The following MAP3K20 variants were observed in gnomAD, a reference collection of about 807,000 sequenced individuals.
MAP3K20 encodes the protein HCCS-4.
MAP3K20 carries 40 observed loss-of-function variants against 85.7 expected under a neutral mutation model. That is an observed-to-expected ratio of 0.47 (90% CI 0.36 to 0.61). MAP3K20 has a LOEUF of 0.61. MAP3K20 is among the 20% of genes least tolerant of loss of function. The pLI is 0.00. For synonymous variants in MAP3K20, 325 were observed against 327.7 expected, an observed-to-expected ratio of 0.99 and a Z score of 0.09; for missense variants, 817 against 961.7, an observed-to-expected ratio of 0.85 and a Z score of 1.99.
At chr2:173,145,341 T>C (rs888013750) in intron 2 of MAP3K20, among the ~76,000 whole-genome samples, 32 of 152,310 alleles carry the variant, frequency 2.1e-4, no homozygotes, top group African/African-American at 7.5e-4. Flanking sequence ...AGATGCAATC[T>C]ACTGACTGGG....
At chr2:173,185,587 T>C (rs1269581906) in intron 4 of MAP3K20, among the ~76,000 whole-genome samples, 1 of 152,226 alleles carries the variant, frequency 6.6e-6, no homozygotes, top group African/African-American at 2.4e-5. Context: ...GTTTAACCTA[T>C]GATTGAATCC....
At chr2:173,085,784 A>AAT (rs1687127064) in intron 1 of MAP3K20, among the ~76,000 whole-genome samples, 3 of 73,738 alleles carry the variant, frequency 4.1e-5, no homozygotes, top group Admixed American at 4.2e-4. Flanking sequence ...TGTAAAAGCA[A>AAT]TTTTTTTTTT....
At chr2:173,109,531 C>T (rs913943486) in intron 2 of MAP3K20, among the ~76,000 whole-genome samples, 3 of 151,838 alleles carry the variant, frequency 2.0e-5, no homozygotes, top group African/African-American at 7.3e-5. Flanking sequence ...GAATGTCTAC[C>T]CACAGATATT....
At position 173,228,526 on chromosome 2, in the gene MAP3K20, C is replaced by T. The variant is rs568721835; in HGVS notation, c.988-1163C>T. On this transcript the variant is annotated intron_variant, in intron 11 of 19. Transcript: ENST00000375213. ...AGAACTTAGCATTCCAGTAAATGCA[C>T]CCTTTAATTTTATTCATTCTTTAAA... is the stretch of plus-strand genomic sequence containing the variant. Among the ~76,000 whole-genome samples the T allele has an allele frequency of 1.2e-3, 186 of 152,230 alleles. 2 individuals carry two copies. Among genetic ancestry groups the T allele is most frequent in the African/African-American group, 4.3e-3 (177 of 41,536 alleles).
intron 10 of MAP3K20, 21 bp downstream of exon 10, chr2:173,209,856 G>A: frequency 6.2e-7 from 1 of 1,600,072 alleles, no homozygotes; most frequent in Non-Finnish European, 8.6e-7. Flanking sequence ...CCGACAGCAG[G>A]CCACAGCGTC....
intron 1 of MAP3K20, chr2:173,090,693 C>T (rs1687268713): frequency 9.8e-7 from 1 of 1,015,430 alleles, no homozygotes; most frequent in Non-Finnish European, 1.2e-6. Context: ...ACACAGTAGC[C>T]TTTCGGCAGA....
At chr2:173,176,351 T>C (rs1244036262) in intron 3 of MAP3K20, among the ~76,000 whole-genome samples, 6 of 152,284 alleles carry the variant, frequency 3.9e-5, no homozygotes, top group African/African-American at 1.4e-4. Flanking sequence ...AATACGTTTT[T>C]GTTCACTTTT....
chr2:173,138,036 C>T (rs1446939743), intron 2 of MAP3K20, among the ~76,000 whole-genome samples: 15 of 152,092 alleles, frequency 9.9e-5, no homozygotes, highest in Non-Finnish European at 1.0e-4. Context: ...GGCGTGATCT[C>T]GGCTCACTGC....
At chr2:173,172,240 T>C (rs1053624536) in intron 3 of MAP3K20, among the ~76,000 whole-genome samples, 1 of 152,060 alleles carries the variant, frequency 6.6e-6, no homozygotes, top group Non-Finnish European at 1.5e-5. Flanking sequence ...CCCAGCCAGA[T>C]ACCCCTCTGT....
rs369430017 is a variant in MAP3K20, at chr2:173,213,262, C to CG, written c.851+3434dup. Among the ~76,000 whole-genome samples the CG allele has an allele frequency of 1.0e-3, 152 of 151,906 alleles. No individual in the cohort carries two copies. In the East Asian group the frequency reaches 0.016, roughly 16 times the overall value. On this transcript the variant is annotated intron_variant, in intron 10 of 19. Coordinates refer to ENST00000375213, the MANE Select transcript of MAP3K20 (RefSeq NM_016653.3). ...GGGAAATAAAATTGATGATTGAGAA[C>CG]GGGGGGGAAAAGGAGATACAAGACA...
chr2:173,168,940 T>G (rs1689919887), intron 2 of MAP3K20, among the ~76,000 whole-genome samples: 1 of 152,220 alleles, frequency 6.6e-6, no homozygotes, highest in Admixed American at 6.5e-5. Context: ...AGTACCACTT[T>G]CTAATATTTA....
chr2:173,239,226 GC>G (rs1684723438), intron 15 of MAP3K20, among the ~76,000 whole-genome samples, 177 bp from the exon 16 acceptor site: 1 of 151,740 alleles, frequency 6.6e-6, no homozygotes, highest in Non-Finnish European at 1.5e-5. Context: ...GTCCTGAAAG[GC>G]ATAATATGTC....
At chr2:173,170,629 G>A (rs1386261603) in intron 3 of MAP3K20, among the ~76,000 whole-genome samples, 1 of 152,028 alleles carries the variant, frequency 6.6e-6, no homozygotes, top group African/African-American at 2.4e-5. Context: ...TTAGCCACAT[G>A]TTCTCGGTAG....
chr2:173,149,028 G>T (rs1689219268), intron 2 of MAP3K20, among the ~76,000 whole-genome samples: 1 of 152,186 alleles, frequency 6.6e-6, no homozygotes, highest in African/African-American at 2.4e-5. Context: ...AAGGAATTTT[G>T]AACCCCAGAC....
Position 173,187,605 on chromosome 2 carries a change from G to A in MAP3K20, c.397G>A (p.Asp133Asn). 1.2e-6 allele frequency: 2 copies of A among 1,608,770 alleles called. No homozygotes were observed. The highest frequency in any genetic ancestry group is 1.7e-6 in the Non-Finnish European group (2 of 1,178,234). The change falls in exon 5 of 20, where the codon GAC (aspartate) becomes AAC (asparagine). Residue 133 changes from aspartate (D) to asparagine (N), a missense_variant. This residue lies in a region of MAP3K20 where 200 missense variants were observed against 302.7 expected (regional missense o/e 0.66). Transcript: ENST00000375213. The stretch of plus-strand genomic sequence containing the variant: ...GGCTCCTGTCAAGGTGATTCACAGA[G>A]ACCTCAAGTCAAGAAACGGTAATGT... ...MEAPVKVIHR[D>N]LKSRNVVIAA...
At chr2:173,182,122 G>A (rs1381466342) in intron 3 of MAP3K20, among the ~76,000 whole-genome samples, 1 of 152,094 alleles carries the variant, frequency 6.6e-6, no homozygotes, top group Non-Finnish European at 1.5e-5. Flanking sequence ...AGGGAATGAT[G>A]TCAGACACAA....
intron 3 of MAP3K20, among the ~76,000 whole-genome samples, chr2:173,175,848 T>C (rs1039482280): frequency 3.3e-5 from 5 of 152,304 alleles, no homozygotes; most frequent in African/African-American, 1.2e-4. Flanking sequence ...AATCTTCAAG[T>C]GACCATGTCA....
chr2:173,169,309 C>G (rs536201979), intron 2 of MAP3K20, among the ~76,000 whole-genome samples: 7 of 152,236 alleles, frequency 4.6e-5, no homozygotes, highest in Non-Finnish European at 1.0e-4. Context: ...TTCTTCAACC[C>G]CATTTTCTTT....
At chr2:173,151,592 G>GT (rs1397368206) in intron 2 of MAP3K20, among the ~76,000 whole-genome samples, 3 of 152,130 alleles carry the variant, frequency 2.0e-5, no homozygotes, top group African/African-American at 7.2e-5. Flanking sequence ...CTAGTAATAG[G>GT]TGTTTATTTA....
Sources: allele counts gnomAD v4.1 joint callset (sites outside exome capture counted in the v4.1 genomes callset), GRCh38; gene constraint gnomAD v4.1.1; regional missense constraint gnomAD v4.1.1; transcripts MANE v1.5; gene names NCBI Gene and HGNC (gene_info 2026-07-23, HGNC 2026-07-21).